The following ELFN2 variants were observed in gnomAD, a reference collection of about 807,000 sequenced individuals.
The protein encoded by ELFN2 is protein phosphatase 1 regulatory subunit 29.
In ELFN2, 17 loss-of-function variants were observed where a neutral mutation model predicts 45.5. That is an observed-to-expected ratio of 0.37 (90% CI 0.26 to 0.56). ELFN2 has a LOEUF of 0.56. Among genes scored for constraint, ELFN2 ranks in the 20% least tolerant of loss-of-function variants. The pLI is 0.77. For missense variants in ELFN2, 922 were observed against 1,183.2 expected, an observed-to-expected ratio of 0.78 and a Z score of 3.24; for synonymous variants, 550 against 551.5, an observed-to-expected ratio of 1.00 and a Z score of 0.04.
intron 2 of ELFN2, among the ~76,000 whole-genome samples, chr22:37,380,018 C>A (rs958385248): frequency 5.9e-5 from 9 of 152,220 alleles, no homozygotes; most frequent in African/African-American, 1.9e-4. Context: ...TATTTCTTCA[C>A]AACCCTCATC....
chr22:37,393,097 C>T (rs1932125490), intron 2 of ELFN2, among the ~76,000 whole-genome samples: 1 of 152,208 alleles, frequency 6.6e-6, no homozygotes, highest in South Asian at 2.1e-4. Context: ...GGCCTGCTCC[C>T]AGTGACAGCT....
intron 2 of ELFN2, among the ~76,000 whole-genome samples, chr22:37,395,392 G>A (rs1932190099): frequency 6.6e-6 from 1 of 152,160 alleles, no homozygotes; most frequent in South Asian, 2.1e-4. Flanking sequence ...ACGGCCCTGG[G>A]AGACGGGCAC....
intron 2 of ELFN2, among the ~76,000 whole-genome samples, chr22:37,415,194 T>G (rs1159918110): frequency 2.6e-5 from 4 of 151,266 alleles, no homozygotes; most frequent in Non-Finnish European, 4.4e-5. Flanking sequence ...AGTCCTCCCT[T>G]GCCTGTCCTG....
At chr22:37,387,573 G>A (rs903770796) in intron 2 of ELFN2, among the ~76,000 whole-genome samples, 15 of 152,248 alleles carry the variant, frequency 9.9e-5, no homozygotes, top group African/African-American at 3.1e-4. Flanking sequence ...CCTCGTCCGC[G>A]CTGGTGCCAG....
chr22:37,380,396 G>C (rs920796122), intron 2 of ELFN2, among the ~76,000 whole-genome samples: 10 of 152,168 alleles, frequency 6.6e-5, no homozygotes, highest in African/African-American at 2.4e-4. Flanking sequence ...CGAAATCCCA[G>C]ACATGACAGA....
At chr22:37,366,223 G>C (rs1215604119), downstream of ELFN2, among the ~76,000 whole-genome samples, 1 of 152,220 alleles carries the variant, frequency 6.6e-6, no homozygotes, top group Non-Finnish European at 1.5e-5. Flanking sequence ...AATGTGCTCT[G>C]TTTAGAAACA....
chr22:37,340,984 G>C (rs1930545360), intron 2 of ELFN2: 1 of 152,438 alleles, frequency 6.6e-6, no homozygotes, highest in South Asian at 2.1e-4. Context: ...GAGAGAAATA[G>C]ACAGATGGAG....
intron 2 of ELFN2, among the ~76,000 whole-genome samples, chr22:37,394,198 C>T (rs2145662565): frequency 6.6e-6 from 1 of 152,284 alleles, no homozygotes; most frequent in East Asian, 1.9e-4. Context: ...CTCTCATTTC[C>T]CATCCACCTC....
chr22:37,378,318 G>C (rs11089837), intron 2 of ELFN2, among the ~76,000 whole-genome samples: 1 of 152,076 alleles, frequency 6.6e-6, no homozygotes, highest in Non-Finnish European at 1.5e-5. Context: ...TGTTCTACAC[G>C]TGTGTGTGCC....
rs575976394 is a variant in ELFN2, at chr22:37,362,179, C to T, written n.149-19476G>A. Among the ~76,000 whole-genome samples, 7 of 152,302 alleles carry T rather than the reference C, an allele frequency of 4.6e-5. No individual in the cohort carries two copies. In the East Asian group the frequency reaches 1.2e-3, roughly 25 times the overall value. ...CGTGGGCCCTGCAGACTCATCAGCCCGTGGGGAAGAGCAGGGGGCTAGGAG... is the reference window on the plus strand; with the variant it reads ...CGTGGGCCCTGCAGACTCATCAGCCTGTGGGGAAGAGCAGGGGGCTAGGAG... On this transcript the variant is annotated intron_variant and non_coding_transcript_variant, in intron 1 of 2. Transcript: ENST00000452946.
Position 37,373,718 on chromosome 22 carries a change from T to C in ELFN2, c.1817A>G (p.Tyr606Cys), listed in dbSNP as rs766901884. 4 of 1,553,978 alleles carry C rather than the reference T, an allele frequency of 2.6e-6. No homozygotes were observed. Among genetic ancestry groups the C allele is most frequent in the East Asian group, 4.5e-5 (2 of 44,328 alleles). The part of the protein sequence containing the change: ...LERPSFLSPP[Y>C]KESSHHPLQR... ...TAGTGGGTGGTGGGAGCTCTCCTTGTAGGGAGGCGAAAGGAAGCTGGGCCG... is the reference window on the plus strand; with the variant it reads ...TAGTGGGTGGTGGGAGCTCTCCTTGCAGGGAGGCGAAAGGAAGCTGGGCCG... The change falls in exon 3 of 3, where the codon TAC (tyrosine) becomes TGC (cysteine). Residue 606 changes from tyrosine (Y) to cysteine (C), a missense_variant. Physicochemically the swap from Tyr to Cys is radical, Grantham distance 194. Coordinates refer to ENST00000402918, the MANE Select transcript of ELFN2 (RefSeq NM_052906.5).
chr22:37,425,870 TACACACAC>T (rs133723), intron 1 of ELFN2, among the ~76,000 whole-genome samples: 2 of 145,786 alleles, frequency 1.4e-5, no homozygotes, highest in East Asian at 2.1e-4. Flanking sequence ...CACATACACA[TACACACAC>T]ACACACACAC....
At chr22:37,377,833 G>A (rs1931625384) in intron 2 of ELFN2, among the ~76,000 whole-genome samples, 1 of 152,200 alleles carries the variant, frequency 6.6e-6, no homozygotes. Flanking sequence ...GCTATGCAAA[G>A]GTCTCAGGGC....
intron 2 of ELFN2, among the ~76,000 whole-genome samples, chr22:37,413,300 C>G (rs1369054374): frequency 6.6e-6 from 1 of 152,110 alleles, no homozygotes; most frequent in African/African-American, 2.4e-5. Context: ...ATCAAAGTCT[C>G]AAATCCCTCT....
intron 1 of ELFN2, 105 bp from the exon 2 acceptor site, chr22:37,418,024 AG>A (rs1338540441): frequency 1.3e-5 from 2 of 152,432 alleles, no homozygotes; most frequent in Non-Finnish European, 2.9e-5. Flanking sequence ...GAAGTCTTGA[AG>A]GGTACACTCA....
At chr22:37,419,514 C>G (rs1296565956) in intron 1 of ELFN2, among the ~76,000 whole-genome samples, 3 of 152,100 alleles carry the variant, frequency 2.0e-5, no homozygotes, top group African/African-American at 7.2e-5. Flanking sequence ...CACAGACACC[C>G]TCCCCAACAC....
intron 2 of ELFN2, among the ~76,000 whole-genome samples, chr22:37,414,076 G>A (rs1932721672): frequency 6.6e-6 from 1 of 152,174 alleles, no homozygotes; most frequent in Non-Finnish European, 1.5e-5. Context: ...TGGCTGGTGG[G>A]GTTACCTATC....
chr22:37,397,612 C>T (rs868424897), intron 2 of ELFN2, among the ~76,000 whole-genome samples: 2 of 152,190 alleles, frequency 1.3e-5, no homozygotes, highest in African/African-American at 4.8e-5. Context: ...GGTCAGCTGA[C>T]TCTGCTGGCC....
chr22:37,366,544 GGA>G (rs1384451992), downstream of ELFN2, among the ~76,000 whole-genome samples: 2 of 152,244 alleles, frequency 1.3e-5, no homozygotes, highest in African/African-American at 4.8e-5. Flanking sequence ...AAGAAAACAG[GGA>G]CCCAGTGCGA....
Sources: gnomAD v4.1 joint callset for allele counts (sites outside exome capture counted in the v4.1 genomes callset) on GRCh38, gnomAD v4.1.1 for gene constraint, MANE v1.5 for transcripts, NCBI Gene and HGNC (gene_info 2026-07-23, HGNC 2026-07-21) for gene names.